MTHFD1L: variants seen among roughly 807,000 people sequenced by gnomAD.
The protein encoded by MTHFD1L is methylenetetrahydrofolate dehydrogenase (NADP+ dependent) 1 like, also known as monofunctional C1-tetrahydrofolate synthase, mitochondrial.
In MTHFD1L, 81 loss-of-function variants were observed where a neutral mutation model predicts 119.5. The ratio of observed to expected loss-of-function variants is 0.68; its 90% CI spans 0.57 to 0.82. The LOEUF is 0.82. Among genes scored for constraint, MTHFD1L ranks in the 40% least tolerant of loss-of-function variants. The probability of loss-of-function intolerance (pLI) is 0.00; values close to 1 mark genes in which losing one functional copy is unlikely to be tolerated. For synonymous variants in MTHFD1L, 430 were observed against 475.2 expected, an observed-to-expected ratio of 0.90 and a Z score of 1.24; for missense variants, 1,125 against 1,253.4, an observed-to-expected ratio of 0.90 and a Z score of 1.55.
intron 20 of MTHFD1L, among the ~76,000 whole-genome samples, chr6:151,006,183 C>T (rs1031588877): frequency 2.1e-5 from 3 of 144,896 alleles, no homozygotes; most frequent in Non-Finnish European, 3.0e-5. Context: ...GGGAGCACAC[C>T]ACAGGGCCGG....
At chr6:151,059,651 G>A (rs975352658) in intron 26 of MTHFD1L, among the ~76,000 whole-genome samples, 1 of 152,176 alleles carries the variant, frequency 6.6e-6, no homozygotes, top group African/African-American at 2.4e-5. Context: ...CACTCTTTGT[G>A]ATATGAAGTA....
At chr6:151,015,019 C>CAGGGTGGCCTAGTGA in intron 23 of MTHFD1L, 39 bp downstream of exon 23, 1 of 1,506,498 alleles carries the variant, frequency 6.6e-7, no homozygotes, top group Non-Finnish European at 9.2e-7. Context: ...GGCATTATCA[C>CAGGGTGGCCTAGTGA]TAGGCCACCC....
At chr6:151,032,337 G>A (rs1015996413) in intron 24 of MTHFD1L, among the ~76,000 whole-genome samples, 1 of 152,170 alleles carries the variant, frequency 6.6e-6, no homozygotes, top group African/African-American at 2.4e-5. Context: ...TGAAGGCGGG[G>A]GGAGCCAGTG....
intron 15 of MTHFD1L, among the ~76,000 whole-genome samples, chr6:150,948,685 G>A (rs1030143422): frequency 1.3e-5 from 2 of 151,508 alleles, no homozygotes; most frequent in African/African-American, 4.8e-5. Flanking sequence ...TTGTTGCCCA[G>A]GCTGGAGTGC....
intron 26 of MTHFD1L, among the ~76,000 whole-genome samples, chr6:151,053,406 C>G (rs1026708889): frequency 6.6e-6 from 1 of 152,150 alleles, no homozygotes; most frequent in Non-Finnish European, 1.5e-5. Context: ...CTACAATGCT[C>G]AAAATAATAG....
intron 26 of MTHFD1L, among the ~76,000 whole-genome samples, chr6:151,078,850 C>T (rs952332036): frequency 5.3e-5 from 8 of 152,166 alleles, no homozygotes; most frequent in South Asian, 4.1e-4. Flanking sequence ...CACTGGGAGT[C>T]GCCGCCACAG....
At chr6:150,899,669 G>T (rs1784803797) in intron 7 of MTHFD1L, among the ~76,000 whole-genome samples, 1 of 152,060 alleles carries the variant, frequency 6.6e-6, no homozygotes. Context: ...TAGACATTCA[G>T]AGTTAAAAAA....
chr6:151,043,920 T>C (rs1212902731), intron 26 of MTHFD1L, among the ~76,000 whole-genome samples: 4 of 152,204 alleles, frequency 2.6e-5, no homozygotes, highest in African/African-American at 4.8e-5. Flanking sequence ...AAACTGGAAT[T>C]GGGTTTTCAA....
intron 26 of MTHFD1L, among the ~76,000 whole-genome samples, chr6:151,051,546 A>G (rs1223427944): frequency 1.3e-5 from 2 of 152,196 alleles, no homozygotes; most frequent in East Asian, 3.9e-4. Context: ...GACTTTAAAC[A>G]TCTTGGCTTT....
At chr6:151,022,886 T>G (rs1784138837) in intron 24 of MTHFD1L, among the ~76,000 whole-genome samples, 1 of 152,200 alleles carries the variant, frequency 6.6e-6, no homozygotes, top group Non-Finnish European at 1.5e-5. Context: ...ATGGTTGAGC[T>G]GCCTTTAAAC....
chr6:151,074,885 A>T (rs1792339284), intron 26 of MTHFD1L, among the ~76,000 whole-genome samples: 1 of 152,216 alleles, frequency 6.6e-6, no homozygotes, highest in Non-Finnish European at 1.5e-5. Context: ...AAAATCACCC[A>T]GTGATGTGTT....
At chr6:151,009,470 G>A (rs1358940459) in intron 20 of MTHFD1L, among the ~76,000 whole-genome samples, 1 of 152,082 alleles carries the variant, frequency 6.6e-6, no homozygotes, top group Non-Finnish European at 1.5e-5. Flanking sequence ...GGAGGCAGAG[G>A]TTGCAGTGAG....
At chr6:150,956,800 C>T (rs527375158) in intron 17 of MTHFD1L, among the ~76,000 whole-genome samples, 79 of 152,034 alleles carry the variant, frequency 5.2e-4, no homozygotes, top group Non-Finnish European at 8.5e-4. Context: ...CCAATCCTTA[C>T]GCCAAATAGA....
chr6:151,069,287 C>G (rs890142582), intron 26 of MTHFD1L, among the ~76,000 whole-genome samples: 7 of 151,866 alleles, frequency 4.6e-5, no homozygotes, highest in African/African-American at 1.7e-4. Context: ...CTCTCCCTCC[C>G]TCTCTCTGTC....
intron 11 of MTHFD1L, among the ~76,000 whole-genome samples, chr6:150,932,185 A>AAAAAG (rs1554253693): frequency 4.4e-4 from 66 of 148,552 alleles, no homozygotes; most frequent in African/African-American, 1.6e-3. Flanking sequence ...AAAAAAAAAA[A>AAAAAG]GCATCATTCC....
At chr6:150,934,032 G>C (rs1791625933) in intron 11 of MTHFD1L, among the ~76,000 whole-genome samples, 1 of 152,098 alleles carries the variant, frequency 6.6e-6, no homozygotes, top group South Asian at 2.1e-4. Flanking sequence ...TTCTCACTCG[G>C]TGCACTGTCC....
rs187814719 is a variant in MTHFD1L at position 150,884,022 on chromosome 6, C to T, written c.542+1136C>T. Among the ~76,000 whole-genome samples the T allele has an allele frequency of 3.6e-3, 549 of 152,214 alleles. 1 individual carries two copies. Among genetic ancestry groups the T allele is most frequent in the Non-Finnish European group, 5.6e-3 (381 of 68,018 alleles). ...AAAGGTGTCATGAACACCTCCAGTC[C>T]TGGCTGGGCACAGTGGCTCACACCT... On this transcript the variant is annotated intron_variant, in intron 5 of 27. Transcript: ENST00000367321.
rs775661644 is a variant in MTHFD1L, at chr6:151,092,513, T to C, written c.2894T>C (p.Ile965Thr). The change falls in exon 27 of 28, where the codon ATA becomes ACA. Residue 965 changes from isoleucine (I) to threonine (T), a missense_variant. This residue lies in a region of MTHFD1L where 61 missense variants were observed against 78.9 expected (regional missense o/e 0.77). Coordinates refer to ENST00000367321, the MANE Select transcript of MTHFD1L (RefSeq NM_015440.5). ...GLPTRPCFYD[I>T]DLDTETEQVK... ...CCCACCCGGCCCTGCTTTTATGACATAGATCTTGATACCGAAACAGAACAA... is the reference window on the plus strand; with the variant it reads ...CCCACCCGGCCCTGCTTTTATGACACAGATCTTGATACCGAAACAGAACAA... 7.4e-6 allele frequency: 12 copies of C among 1,614,038 alleles called. No homozygotes were observed. The African/African-American group carries it at 1.5e-4, about 20-fold the overall frequency.
At chr6:150,907,029 A>T (rs550649202) in intron 8 of MTHFD1L, among the ~76,000 whole-genome samples, 9 of 151,988 alleles carry the variant, frequency 5.9e-5, no homozygotes, top group South Asian at 2.1e-4. Flanking sequence ...AAAAAAACAA[A>T]GCCTAACCTA....
Sources: gnomAD v4.1 joint callset for allele counts (sites outside exome capture counted in the v4.1 genomes callset) on GRCh38, gnomAD v4.1.1 for gene constraint, gnomAD v4.1.1 regional missense constraint, MANE v1.5 for transcripts, NCBI Gene and HGNC (gene_info 2026-07-23, HGNC 2026-07-21) for gene names.